GRK2: variants seen among roughly 807,000 people sequenced by gnomAD.
GRK2 encodes the protein adrenergic beta receptor kinase 1.
A neutral mutation model predicts 97.8 loss-of-function variants in GRK2; 23 were observed. That is an observed-to-expected ratio of 0.24 (90% confidence interval 0.17 to 0.33). The LOEUF (loss-of-function observed/expected upper bound fraction) is 0.33, where lower values mean the gene tolerates loss of function less well. GRK2 is among the 10% of genes least tolerant of loss of function. The probability of loss-of-function intolerance (pLI) is 1.00; values close to 1 mark genes in which losing one functional copy is unlikely to be tolerated. For synonymous variants in GRK2, 425 were observed against 381.7 expected (o/e 1.11, Z -1.32); for missense variants, 633 against 956.9 (o/e 0.66, Z 4.47).
chr11:67,266,976 C>T (rs1323527779), intron 1 of GRK2, among the ~76,000 whole-genome samples, 164 bp downstream of exon 1: 2 of 151,824 alleles, frequency 1.3e-5, no homozygotes, highest in Non-Finnish European at 2.9e-5. Flanking sequence ...TTGGCGCCTG[C>T]GGGTCCAGAC....
rs780591835 is a variant in GRK2, at chr11:67,281,765, A to C, written c.826+37A>C. 3.1e-6 allele frequency: 5 copies of C among 1,613,452 alleles called. No individual in the cohort carries two copies. Among genetic ancestry groups the C allele is most frequent in the South Asian group, 1.1e-5 (1 of 91,074 alleles). The stretch of plus-strand genomic sequence containing the variant: ...CCGGGCCCTAGGGTGGGCCGGGCCC[A>C]GGCACGGGAGGCTGGGGCAAGACAC... On this transcript the variant is annotated intron_variant, in intron 10 of 20. Transcript: ENST00000308595. The surrounding 1 kb of genome is among the most constrained non-coding windows in gnomAD (Gnocchi z 5.7).
At chr11:67,280,843 C>T (rs897296372) in intron 7 of GRK2, 60 bp downstream of exon 7, 12 of 1,592,316 alleles carry the variant, frequency 7.5e-6, no homozygotes, top group Non-Finnish European at 1.0e-5. Context: ...CTCCCGGGAG[C>T]TGGGCCTGTG....
Position 67,268,146 on chromosome 11 carries a change from G to A in GRK2, c.113+1334G>A, listed in dbSNP as rs1744995381. ...GCCTCGGTCTTCTCATCTGTGAAATGTGGATGGCGTGAAATAAGAGCTGTG... is the reference window on the plus strand; with the variant it reads ...GCCTCGGTCTTCTCATCTGTGAAATATGGATGGCGTGAAATAAGAGCTGTG... On this transcript the variant is annotated intron_variant, in intron 1 of 20. Transcript: ENST00000308595. Among the ~76,000 whole-genome samples the A allele has an allele frequency of 2.0e-5, 3 of 152,306 alleles. No homozygotes were observed. In the South Asian group the frequency reaches 6.2e-4, roughly 32 times the overall value.
chr11:67,284,773 AG>A (rs769644850), intron 18 of GRK2, 73 bp from the exon 19 acceptor site: 642 of 1,538,046 alleles, frequency 4.2e-4, no homozygotes, highest in Non-Finnish European at 5.5e-4. Context: ...TGGGCAACAG[AG>A]TGGAGACCCT....
chr11:67,284,196 A>G lies in GRK2; in HGVS notation c.1492-15A>G, dbSNP rs773966718. 34 of 1,613,336 alleles carry G rather than the reference A, an allele frequency of 2.1e-5. No homozygotes were observed. The highest frequency in any genetic ancestry group is 8.3e-5 in the Admixed American group (5 of 60,002). On this transcript the variant is annotated splice_polypyrimidine_tract_variant and intron_variant, in intron 17 of 20. Transcript: ENST00000308595. ...CTGTCCACCCATGTGCCCCTGCCCC[A>G]TCCACCTGGTAAAGTTACTGGACAG...
intron 1 of GRK2, 50 bp from the exon 2 acceptor site, chr11:67,277,221 GC>G: frequency 6.3e-7 from 1 of 1,590,190 alleles, no homozygotes; most frequent in Non-Finnish European, 8.6e-7. Context: ...TGGGCCTGCA[GC>G]CCCCACGGGC....
chr11:67,274,271 A>G (rs539739288), intron 1 of GRK2, among the ~76,000 whole-genome samples: 8 of 151,978 alleles, frequency 5.3e-5, no homozygotes, highest in Non-Finnish European at 8.8e-5. Flanking sequence ...TCGGCCTCCC[A>G]AAGTGCTGGG....
chr11:67,283,738 C>G lies in GRK2; in HGVS notation c.1360C>G (p.Arg454Gly), dbSNP rs1208435182. 35 of 1,613,556 alleles carry G rather than the reference C, an allele frequency of 2.2e-5. No homozygotes were observed. The highest frequency in any genetic ancestry group is 3.0e-5 in the Non-Finnish European group (35 of 1,180,010). ...GGAGGTGAAAGAGAGCCCCTTTTTC[C>G]GCTCCCTGGACTGGCAGATGGTCTT... ...AQEVKESPFFRSLDWQMVFLQ... is the reference protein window; with the variant it reads ...AQEVKESPFFGSLDWQMVFLQ... Residue 454 changes from arginine to glycine, a missense_variant, in exon 16 of 21, where the codon CGC becomes GGC. Arg to Gly is a moderately radical substitution (Grantham distance 125). Around this residue, in one of 4 missense-constraint regions of GRK2, gnomAD observed 68 missense variants for 71.0 expected, o/e 0.96. Transcript: ENST00000308595.
chr11:67,268,331 C>T (rs943038055), intron 1 of GRK2, among the ~76,000 whole-genome samples: 1 of 152,160 alleles, frequency 6.6e-6, no homozygotes, highest in African/African-American at 2.4e-5. Context: ...GAAAATTGGT[C>T]TGCATTTTGA....
chr11:67,267,887 T>A (rs964599979), intron 1 of GRK2, among the ~76,000 whole-genome samples: 1 of 152,204 alleles, frequency 6.6e-6, no homozygotes, highest in Non-Finnish European at 1.5e-5. Flanking sequence ...TAGTCCCAGG[T>A]GGCACCTGGC....
At chr11:67,270,378 G>A (rs1223894543) in intron 1 of GRK2, among the ~76,000 whole-genome samples, 1 of 150,364 alleles carries the variant, frequency 6.7e-6, no homozygotes, top group Non-Finnish European at 1.5e-5. Flanking sequence ...TTTCTTGGCT[G>A]TTTCCTGGTC....
At chr11:67,275,148 G>T (rs1860002251) in intron 1 of GRK2, among the ~76,000 whole-genome samples, 1 of 152,236 alleles carries the variant, frequency 6.6e-6, no homozygotes, top group African/African-American at 2.4e-5. Flanking sequence ...CAGCCCTGCT[G>T]TGCTCGTGCT....
intron 1 of GRK2, among the ~76,000 whole-genome samples, chr11:67,267,680 A>G (rs1444748078): frequency 6.6e-6 from 1 of 152,186 alleles, no homozygotes; most frequent in African/African-American, 2.4e-5. Context: ...ACTGTTCAGG[A>G]TGTAGGTGCA....
At chr11:67,273,482 C>G (rs1859955726) in intron 1 of GRK2, among the ~76,000 whole-genome samples, 1 of 152,164 alleles carries the variant, frequency 6.6e-6, no homozygotes. Context: ...GCTGTCCCAC[C>G]CCTGTGCTCG....
rs1189212394 is a variant in GRK2 at position 67,281,195 on chromosome 11, T to G, written c.647+11T>G. On this transcript the variant is annotated intron_variant, in intron 8 of 20. Transcript: ENST00000308595. The surrounding 1 kb of genome is among the most constrained non-coding windows in gnomAD (Gnocchi z 5.7). ...TGACACAGGCAAGATGTGAGCACCCTGCTCGGCGCGGTGGGATACCTCGGG... is the reference window on the plus strand; with the variant it reads ...TGACACAGGCAAGATGTGAGCACCCGGCTCGGCGCGGTGGGATACCTCGGG... 1 of 1,609,094 alleles carries G rather than the reference T, an allele frequency of 6.2e-7. No individual in the cohort carries two copies. The highest frequency in any genetic ancestry group is 1.1e-5 in the South Asian group (1 of 90,724).
rs41302413 is a variant in GRK2, at chr11:67,283,041, G to A, written c.1228-87G>A. ...TGCTGTGCCCCATCTGTCCCTCTGCGGGGGCCTGGACCCCTCTCTCCCCTG... is the reference window on the plus strand; with the variant it reads ...TGCTGTGCCCCATCTGTCCCTCTGCAGGGGCCTGGACCCCTCTCTCCCCTG... On this transcript the variant is annotated intron_variant, in intron 14 of 20. Transcript: ENST00000308595. 6.9e-5 allele frequency: 95 copies of A among 1,369,714 alleles called. No individual in the cohort carries two copies. The highest frequency in any genetic ancestry group is 8.5e-5 in the Non-Finnish European group (82 of 962,602). 84.8% of individuals were successfully genotyped at this position (1,369,714 alleles called of 1,614,324 possible).
chr11:67,274,859 G>A (rs1285234035), intron 1 of GRK2, among the ~76,000 whole-genome samples: 1 of 152,200 alleles, frequency 6.6e-6, no homozygotes, highest in Non-Finnish European at 1.5e-5. Context: ...GAAGGGGCGG[G>A]TGTGCTGGTG....
Position 67,283,910 on chromosome 11 carries a change from C to T in GRK2, c.1452C>T (p.Asp484=), listed in dbSNP as rs774068254. The T allele has an allele frequency of 5.6e-6, 9 of 1,612,722 alleles. No homozygotes were observed. The highest frequency in any genetic ancestry group is 1.7e-5 in the Admixed American group (1 of 59,946). ...RGEVNAADAF[D]IGSFDEEDTK... is the part of the protein sequence containing the mutation. ...AGGTGAACGCGGCCGACGCCTTCGA[C>T]ATTGGCTCCTTCGATGAGGAGGACA... Residue 484 remains aspartate (D), a synonymous_variant, in exon 17 of 21, where the codon GAC becomes GAT. Transcript: ENST00000308595.
chr11:67,284,426 C>A, intron 18 of GRK2, 53 bp downstream of exon 18: 1 of 1,587,446 alleles, frequency 6.3e-7, no homozygotes, highest in South Asian at 1.1e-5. Flanking sequence ...TAGAAGTGAG[C>A]AGCTGGCTCG....
Sources: gnomAD v4.1 joint callset for allele counts (sites outside exome capture counted in the v4.1 genomes callset) on GRCh38, gnomAD v4.1.1 for gene constraint, gnomAD v4.1.1 regional missense constraint, Gnocchi (gnomAD v3.1) non-coding constraint, MANE v1.5 for transcripts, NCBI Gene and HGNC (gene_info 2026-07-23, HGNC 2026-07-21) for gene names.